The following FARS2 variants were observed in gnomAD, a reference collection of about 807,000 sequenced individuals.
The protein encoded by FARS2 is phenylalanine--tRNA ligase, mitochondrial.
Under a neutral mutation model 46.4 loss-of-function variants are expected in FARS2, and 40 were observed. The ratio of observed to expected loss-of-function variants is 0.86; its 90% CI spans 0.67 to 1.12. The LOEUF (loss-of-function observed/expected upper bound fraction) is 1.12, where lower values mean the gene tolerates loss of function less well. FARS2 is among the 50% of genes most tolerant of loss of function. The pLI, the probability that FARS2 is intolerant of heterozygous loss-of-function variation, is 0.00. For missense variants in FARS2, 513 were observed against 567.9 expected, an observed-to-expected ratio of 0.90 and a Z score of 0.98; for synonymous variants, 234 against 214.9, an observed-to-expected ratio of 1.09 and a Z score of -0.78.
Position 5,492,251 on chromosome 6 carries a change from C to T in FARS2, c.905-52929C>T, listed in dbSNP as rs564090858. 7.0e-4 allele frequency among the ~76,000 whole-genome samples: 106 copies of T among 152,264 alleles called. 1 individual carries two copies. Among genetic ancestry groups the T allele is most frequent in the African/African-American group, 1.6e-3 (67 of 41,552 alleles). ...CAGATAGTATATTGTCATATTTGAA[C>T]GCTTTTCTTTAAAAACATAATTCTA... On this transcript the variant is annotated intron_variant, in intron 4 of 6. Coordinates refer to ENST00000274680, the MANE Select transcript of FARS2 (RefSeq NM_006567.5).
At chr6:5,637,345 G>T (rs1776593467) in intron 6 of FARS2, among the ~76,000 whole-genome samples, 1 of 152,232 alleles carries the variant, frequency 6.6e-6, no homozygotes, top group African/African-American at 2.4e-5. Context: ...AAGGATCACA[G>T]GCTCTAGCAC....
chr6:5,751,176 G>A (rs1194768214), intron 6 of FARS2, among the ~76,000 whole-genome samples: 1 of 152,028 alleles, frequency 6.6e-6, no homozygotes. Context: ...AATTGTATTA[G>A]GAAATCATAT....
At chr6:5,634,740 C>A (rs992940826) in intron 6 of FARS2, among the ~76,000 whole-genome samples, 1 of 152,228 alleles carries the variant, frequency 6.6e-6, no homozygotes, top group Non-Finnish European at 1.5e-5. Context: ...GAGTAGCCCA[C>A]GTGGCAATCC....
intron 4 of FARS2, among the ~76,000 whole-genome samples, chr6:5,543,121 G>A (rs1770733659): frequency 6.6e-6 from 1 of 152,180 alleles, no homozygotes. Context: ...TGATGTGCTG[G>A]AAATGTTTAA....
chr6:5,537,092 G>C (rs1770251573), intron 4 of FARS2, among the ~76,000 whole-genome samples: 1 of 152,098 alleles, frequency 6.6e-6, no homozygotes, highest in African/African-American at 2.4e-5. Context: ...AGGCATACAG[G>C]CTGCACTTGC....
intron 1 of FARS2, among the ~76,000 whole-genome samples, chr6:5,317,668 T>G (rs1769633482): frequency 6.6e-6 from 1 of 151,708 alleles, no homozygotes; most frequent in African/African-American, 2.4e-5. Context: ...AAGTTGCAGC[T>G]ACTCGGAGGG....
intron 4 of FARS2, among the ~76,000 whole-genome samples, chr6:5,509,741 G>A (rs1459283352): frequency 6.6e-6 from 1 of 152,156 alleles, no homozygotes; most frequent in Non-Finnish European, 1.5e-5. Flanking sequence ...GCAGAAAGTG[G>A]GTGGTTTCTT....
intron 6 of FARS2, among the ~76,000 whole-genome samples, chr6:5,748,011 G>A (rs1761735771): frequency 6.6e-6 from 1 of 152,148 alleles, no homozygotes; most frequent in Admixed American, 6.5e-5. Flanking sequence ...GAGTTCATCT[G>A]AAATAGCTTT....
At position 5,529,335 on chromosome 6, in the gene FARS2, GTC is replaced by G. The variant is rs553696689; in HGVS notation, c.905-15842_905-15841del. 1.2e-4 allele frequency among the ~76,000 whole-genome samples: 19 copies of G among 152,106 alleles called. No homozygotes were observed. In the South Asian group the frequency reaches 2.3e-3, roughly 18 times the overall value. ...ACTTTTTTTTCTTTTTTGAGACAGA[GTC>G]TCACTCTGTCGCCTGGCTGCAGTGC... On this transcript the variant is annotated intron_variant, in intron 4 of 6. Transcript: ENST00000274680.
At chr6:5,741,074 C>G (rs968208937) in intron 6 of FARS2, among the ~76,000 whole-genome samples, 1 of 151,588 alleles carries the variant, frequency 6.6e-6, no homozygotes, top group South Asian at 2.1e-4. Flanking sequence ...TGCCCTTCCT[C>G]CCACACCAAC....
intron 4 of FARS2, among the ~76,000 whole-genome samples, chr6:5,540,174 A>G (rs1017994527): frequency 3.9e-5 from 6 of 152,196 alleles, no homozygotes; most frequent in Non-Finnish European, 8.8e-5. Context: ...AAGATAGCAA[A>G]TGGGAAATTT....
At chr6:5,489,734 T>G (rs1302823375) in intron 4 of FARS2, among the ~76,000 whole-genome samples, 1 of 152,194 alleles carries the variant, frequency 6.6e-6, no homozygotes, top group African/African-American at 2.4e-5. Flanking sequence ...TTGAATTTGA[T>G]TTTTGATTAT....
intron 3 of FARS2, among the ~76,000 whole-genome samples, chr6:5,418,221 T>C (rs1170374563): frequency 6.6e-6 from 1 of 152,264 alleles, no homozygotes; most frequent in Non-Finnish European, 1.5e-5. Flanking sequence ...CTTTGTATTA[T>C]GTATTTTGTT....
chr6:5,506,463 G>A (rs979930076), intron 4 of FARS2, among the ~76,000 whole-genome samples: 3 of 152,202 alleles, frequency 2.0e-5, no homozygotes, highest in African/African-American at 4.8e-5. Flanking sequence ...GCTAGAGAGA[G>A]TGGGGCTGGG....
At chr6:5,405,876 T>C (rs1020740484) in intron 3 of FARS2, among the ~76,000 whole-genome samples, 3 of 152,000 alleles carry the variant, frequency 2.0e-5, no homozygotes, top group Non-Finnish European at 2.9e-5. Context: ...TCAACAGGAG[T>C]ATATTAACAG....
At chr6:5,296,848 A>G (rs1342429105) in intron 1 of FARS2, among the ~76,000 whole-genome samples, 2 of 152,182 alleles carry the variant, frequency 1.3e-5, no homozygotes, top group African/African-American at 2.4e-5. Context: ...GGTTGCTTCT[A>G]CCTTTCGGCT....
chr6:5,768,483 T>C (rs1160266095), intron 6 of FARS2, among the ~76,000 whole-genome samples: 3 of 152,204 alleles, frequency 2.0e-5, no homozygotes, highest in African/African-American at 4.8e-5. Flanking sequence ...CCAGCTCTTC[T>C]GCTAGGAGGG....
At chr6:5,517,853 G>A (rs573854003) in intron 4 of FARS2, among the ~76,000 whole-genome samples, 15 of 151,894 alleles carry the variant, frequency 9.9e-5, no homozygotes, top group Non-Finnish European at 2.1e-4. Context: ...TCCTATTCAA[G>A]TTACACTCTA....
intron 6 of FARS2, among the ~76,000 whole-genome samples, chr6:5,719,191 C>T (rs549693124): frequency 4.6e-5 from 7 of 151,762 alleles, no homozygotes; most frequent in African/African-American, 1.7e-4. Context: ...AAGACCAGCC[C>T]GGGCAACAAG....
Sources: allele counts gnomAD v4.1 joint callset (sites outside exome capture counted in the v4.1 genomes callset), GRCh38; gene constraint gnomAD v4.1.1; transcripts MANE v1.5; gene names NCBI Gene and HGNC (gene_info 2026-07-23, HGNC 2026-07-21).